Variants in OPTN observed in about 807,000 individuals in gnomAD.
OPTN encodes E3-14.7K-interacting protein.
Under a neutral mutation model 70.4 loss-of-function variants are expected in OPTN, and 54 were observed. The observed-to-expected ratio is 0.77, with a 90% CI of 0.62 to 0.96. OPTN has a LOEUF of 0.96. Ranked by LOEUF, OPTN falls within the 40% of genes least tolerant of loss-of-function variation. The pLI is 0.00. For missense variants in OPTN, 624 were observed against 673.2 expected (o/e 0.93, Z 0.81); for synonymous variants, 256 against 248.5 (o/e 1.03, Z -0.28).
chr10:13,137,165 G>A lies in OPTN; in HGVS notation c.*299G>A, dbSNP rs1833717787. The A allele has an allele frequency of 2.3e-6, 1 of 437,238 alleles. No individual in the cohort carries two copies. The highest frequency in any genetic ancestry group is 4.3e-6 in the Non-Finnish European group (1 of 232,242). 27.1% of individuals were successfully genotyped at this position (437,238 alleles called of 1,614,324 possible). A position where few individuals can be genotyped will look rare whatever the true frequency, so the allele number is the denominator to read the frequency against. ...ATGGTGGCGCATGCCTGTAGTCGCA[G>A]CTACTCGCGAGGTTGAGGCAGGAGA... On this transcript the variant is annotated 3_prime_UTR_variant, in exon 15 of 15. Coordinates refer to ENST00000378747, the MANE Select transcript of OPTN (RefSeq NM_001008212.2).
intron 5 of OPTN, among the ~76,000 whole-genome samples, chr10:13,113,310 G>A (rs916702578): frequency 3.9e-5 from 6 of 152,212 alleles, no homozygotes; most frequent in African/African-American, 1.4e-4. Context: ...ACAGGCGTGA[G>A]CCACCGCGCC....
chr10:13,117,391 T>C (rs1228506225), intron 6 of OPTN, among the ~76,000 whole-genome samples: 1 of 144,358 alleles, frequency 6.9e-6, no homozygotes, highest in Non-Finnish European at 1.5e-5. Flanking sequence ...GGATCTCTTA[T>C]CTCACAGACG....
At chr10:13,125,890 A>G (rs961489828) in intron 10 of OPTN, 56 bp from the exon 11 acceptor site, 6 of 1,304,132 alleles carry the variant, frequency 4.6e-6, no homozygotes, top group South Asian at 1.2e-5. Flanking sequence ...AGGCAAGACT[A>G]TAAGTTTCTA....
At chr10:13,133,721 C>A in intron 14 of OPTN, 140 bp downstream of exon 14, 1 of 744,762 alleles carries the variant, frequency 1.3e-6, no homozygotes, top group Non-Finnish European at 2.4e-6. Context: ...CTCATTACCA[C>A]AGCACTCCCA....
At chr10:13,115,382 C>T (rs1305673408) in intron 5 of OPTN, among the ~76,000 whole-genome samples, 1 of 98,916 alleles carries the variant, frequency 1.0e-5, no homozygotes, top group Non-Finnish European at 1.8e-5. Context: ...ATATATGTAT[C>T]TGTTTTATAA....
At chr10:13,106,747 A>C (rs577405302) in intron 1 of OPTN, among the ~76,000 whole-genome samples, 2 of 152,328 alleles carry the variant, frequency 1.3e-5, no homozygotes, top group South Asian at 4.1e-4. Context: ...ACAGTGGTGC[A>C]TTTTGTTTTA....
In OPTN at chr10:13,135,234, G is replaced by A. The variant is rs186538013; in HGVS notation, c.1613-1511G>A. Among the ~76,000 whole-genome samples, 139 of 152,194 alleles carry A rather than the reference G, an allele frequency of 9.1e-4. 1 individual carries two copies. Among genetic ancestry groups the A allele is most frequent in the African/African-American group, 2.9e-3 (122 of 41,538 alleles). ...GAAAGGTCAGAACAGAGAGATGCCC[G>A]GGAGCCAGAAATAATTTCTTGCATC... On this transcript the variant is annotated intron_variant, in intron 14 of 14. Coordinates refer to ENST00000378747, the MANE Select transcript of OPTN (RefSeq NM_001008212.2).
chr10:13,109,499 A>C, intron 3 of OPTN: 30 of 564,570 alleles, frequency 5.3e-5, no homozygotes, highest in East Asian at 6.0e-5. Context: ...TGTGTATCTC[A>C]AGGAAGTAGC....
At chr10:13,126,894 C>T (rs990757493) in intron 11 of OPTN, among the ~76,000 whole-genome samples, 1 of 152,060 alleles carries the variant, frequency 6.6e-6, no homozygotes, top group Non-Finnish European at 1.5e-5. Context: ...GTGTGATGTT[C>T]GTGCCTGCGG....
intron 1 of OPTN, among the ~76,000 whole-genome samples, chr10:13,102,256 G>C (rs1320861038): frequency 6.6e-6 from 1 of 152,240 alleles, no homozygotes; most frequent in South Asian, 2.1e-4. Context: ...GGGTACGAGT[G>C]TTTTGGTGGC....
chr10:13,136,268 G>A (rs1833696750), intron 14 of OPTN, among the ~76,000 whole-genome samples: 1 of 152,104 alleles, frequency 6.6e-6, no homozygotes, highest in Admixed American at 6.5e-5. Context: ...CTAGCACTTT[G>A]GGAGGCCAAG....
rs771767144 is a variant in OPTN, at chr10:13,126,283, C to CCTTTTTTTTTTTTTTTTTTTTTT, written c.1242+244_1242+245insCTTTTTTTTTTTTTTTTTTTTTT. Among the ~76,000 whole-genome samples the CCTTTTTTTTTTTTTTTTTTTTTT allele has an allele frequency of 1.1e-3, 152 of 139,036 alleles. 6 individuals are homozygous for CCTTTTTTTTTTTTTTTTTTTTTT. The highest frequency in any genetic ancestry group is 3.8e-3 in the African/African-American group (138 of 36,696). 91.2% of individuals were successfully genotyped at this position (139,036 alleles called of 152,430 possible). ...GTCAGGGATTAAGCACTTCGTATTT[C>CCTTTTTTTTTTTTTTTTTTTTTT]TTTTTTTTTTTTTTTGAGACGGAGT... On this transcript the variant is annotated intron_variant, in intron 11 of 14. Coordinates refer to ENST00000378747, the MANE Select transcript of OPTN (RefSeq NM_001008212.2).
In OPTN at chr10:13,114,847, T is replaced by TATATAAC. The variant is rs1564358941; in HGVS notation, c.553-1420_553-1419insATATAAC. Among the ~76,000 whole-genome samples the TATATAAC allele has an allele frequency of 2.9e-4, 9 of 30,770 alleles. 2 individuals are homozygous for TATATAAC. The highest frequency in any genetic ancestry group is 9.7e-4 in the Admixed American group (2 of 2,070). The allele number at this position is 30,770 out of a possible 152,430, so 20.2% of individuals were successfully genotyped here. ...TTATATAATTATATAATTATATAAT[T>TATATAAC]GTATAATATATTCTACAATTATATA... is the stretch of plus-strand genomic sequence containing the variant. On this transcript the variant is annotated intron_variant, in intron 5 of 14. Coordinates refer to ENST00000378747, the MANE Select transcript of OPTN (RefSeq NM_001008212.2).
rs750134761 is a variant in OPTN at position 13,125,477 on chromosome 10, A to T, written c.1058A>T (p.Glu353Val). ...AIPSELNEKQ[E>V]LVYTNKKLEL... ...CCATCAGAGTTGAATGAAAAGCAAG[A>T]GCTTGTTTATACTAACAAAAAGTTA... The change falls in exon 10 of 15, where the codon GAG (glutamate) becomes GTG (valine). Residue 353 changes from glutamate to valine, a missense_variant. Glu to Val is a moderately radical substitution (Grantham distance 121, BLOSUM62 -2). Coordinates refer to ENST00000378747, the MANE Select transcript of OPTN (RefSeq NM_001008212.2). 1.2e-6 allele frequency: 2 copies of T among 1,614,168 alleles called. No individual in the cohort carries two copies. Among genetic ancestry groups the T allele is most frequent in the Non-Finnish European group, 1.7e-6 (2 of 1,180,006 alleles).
intron 6 of OPTN, among the ~76,000 whole-genome samples, chr10:13,117,093 T>TTTTG (rs1234955428): frequency 6.7e-6 from 1 of 149,796 alleles, no homozygotes; most frequent in African/African-American, 2.5e-5. Context: ...TTTTTTTTTT[T>TTTTG]TTTTTGAGAC....
intron 14 of OPTN, 119 bp from the exon 15 acceptor site, chr10:13,136,626 C>T (rs1035998377): frequency 2.5e-6 from 3 of 1,178,664 alleles, no homozygotes; most frequent in Non-Finnish European, 3.7e-6. Flanking sequence ...GTGCTCATGT[C>T]CCACTACGTG....
chr10:13,115,313 A>G (rs1241879737), intron 5 of OPTN, among the ~76,000 whole-genome samples: 1 of 106,644 alleles, frequency 9.4e-6, no homozygotes, highest in African/African-American at 3.9e-5. Flanking sequence ...AATATATAAT[A>G]TAACATAGAA....
intron 4 of OPTN, 123 bp downstream of exon 4, chr10:13,110,599 C>T: frequency 9.9e-7 from 1 of 1,009,674 alleles, no homozygotes. Flanking sequence ...TGGTGTTTTG[C>T]CTGGTCTTGG....
intron 14 of OPTN, among the ~76,000 whole-genome samples, chr10:13,134,212 A>G (rs577719292): frequency 1.3e-5 from 2 of 152,232 alleles, no homozygotes; most frequent in Admixed American, 6.5e-5. Context: ...TGCTTGTATT[A>G]TGCCCTTCAC....
Sources: gnomAD v4.1 joint callset for allele counts (sites outside exome capture counted in the v4.1 genomes callset) on GRCh38, gnomAD v4.1.1 for gene constraint, MANE v1.5 for transcripts, NCBI Gene and HGNC (gene_info 2026-07-23, HGNC 2026-07-21) for gene names.